The following ADAMTSL1 variants were observed in gnomAD, a reference collection of about 807,000 sequenced individuals.
ADAMTSL1 encodes ADAMTS-like protein 1.
ADAMTSL1 carries 126 observed loss-of-function variants against 201.8 expected under a neutral mutation model. That is an observed-to-expected ratio of 0.62 (90% confidence interval 0.54 to 0.72). The LOEUF (loss-of-function observed/expected upper bound fraction) is 0.72, where lower values mean the gene tolerates loss of function less well. ADAMTSL1 is among the 30% of genes least tolerant of loss of function. The pLI is 0.00. For missense variants in ADAMTSL1, 2,679 were observed against 2,277.8 expected (o/e 1.18, Z -3.59); for synonymous variants, 1,121 against 903.4 (o/e 1.24, Z -4.32).
At chr9:18,394,273 G>A (rs1286917473) in intron 2 of ADAMTSL1, among the ~76,000 whole-genome samples, 1 of 152,168 alleles carries the variant, frequency 6.6e-6, no homozygotes, top group Non-Finnish European at 1.5e-5. Context: ...GTTAAAAATA[G>A]TGAAAAGTTT....
intron 2 of ADAMTSL1, among the ~76,000 whole-genome samples, chr9:18,272,115 A>G (rs1318916963): frequency 6.6e-6 from 1 of 152,018 alleles, no homozygotes; most frequent in Non-Finnish European, 1.5e-5. Context: ...CTTTTCTCCC[A>G]TTCTGTAGGT....
chr9:18,188,187 TC>T (rs1828817776), intron 2 of ADAMTSL1, among the ~76,000 whole-genome samples: 1 of 152,140 alleles, frequency 6.6e-6, no homozygotes, highest in Non-Finnish European at 1.5e-5. Context: ...CAACTCCTTT[TC>T]CCCCCAACAC....
At chr9:18,760,155 T>TG (rs1022497352) in intron 16 of ADAMTSL1, among the ~76,000 whole-genome samples, 3 of 152,214 alleles carry the variant, frequency 2.0e-5, no homozygotes, top group Admixed American at 2.0e-4. Flanking sequence ...CACCACCATC[T>TG]GTCCTGCTTT....
chr9:17,991,907 T>C (rs1819168338), intron 1 of ADAMTSL1, among the ~76,000 whole-genome samples: 1 of 152,110 alleles, frequency 6.6e-6, no homozygotes, highest in Admixed American at 6.5e-5. Flanking sequence ...GCCCCCGTGG[T>C]ACCCTGCGAC....
chr9:18,768,708 T>G (rs959535447), intron 16 of ADAMTSL1, among the ~76,000 whole-genome samples: 1 of 152,172 alleles, frequency 6.6e-6, no homozygotes, highest in Non-Finnish European at 1.5e-5. Context: ...AGTTGATTGC[T>G]TTTCTAACAT....
At chr9:18,235,270 C>T (rs572139781) in intron 2 of ADAMTSL1, among the ~76,000 whole-genome samples, 2 of 152,150 alleles carry the variant, frequency 1.3e-5, no homozygotes, top group Non-Finnish European at 2.9e-5. Context: ...TGGGATTTGT[C>T]TGATGTTTTC....
rs916432637 is a variant in ADAMTSL1 at position 18,909,310 on chromosome 9, T to G, written c.*762T>G. The G allele has an allele frequency of 6.6e-6, 1 of 152,408 alleles. No individual in the cohort carries two copies. Among genetic ancestry groups the G allele is most frequent in the Non-Finnish European group, 1.5e-5 (1 of 68,208 alleles). 9.4% of individuals were successfully genotyped at this position (152,408 alleles called of 1,614,324 possible). ...CATGAGGCTCATGGACCAGCTCTGA[T>G]CCCATGCATGTGCGCATGCTCAGAG... On this transcript the variant is annotated 3_prime_UTR_variant, in exon 29 of 29. Coordinates refer to ENST00000380548, the MANE Select transcript of ADAMTSL1 (RefSeq NM_001040272.6).
At chr9:18,214,418 C>G (rs1027803018) in intron 2 of ADAMTSL1, among the ~76,000 whole-genome samples, 1 of 152,152 alleles carries the variant, frequency 6.6e-6, no homozygotes, top group Admixed American at 6.5e-5. Context: ...AGATGATGTA[C>G]TTTGTTTTCT....
chr9:18,829,523 G>A (rs776719381), intron 22 of ADAMTSL1, among the ~76,000 whole-genome samples: 19 of 152,156 alleles, frequency 1.2e-4, no homozygotes, highest in Admixed American at 2.6e-4. Context: ...TTAAAAAAGT[G>A]TCTTTATGAT....
intron 3 of ADAMTSL1, among the ~76,000 whole-genome samples, chr9:18,564,330 G>A (rs758656510): frequency 2.6e-5 from 4 of 152,066 alleles, no homozygotes; most frequent in East Asian, 1.9e-4. Flanking sequence ...CTCACCCTCC[G>A]TGGATTGCAG....
At chr9:18,155,705 GAA>G (rs1587177790) in intron 1 of ADAMTSL1, among the ~76,000 whole-genome samples, 1 of 152,154 alleles carries the variant, frequency 6.6e-6, no homozygotes, top group East Asian at 1.9e-4. Context: ...TGCAGAGAGA[GAA>G]GAGAGGAGCC....
Position 17,912,765 on chromosome 9 carries a change from C to T in ADAMTSL1, c.87+5843C>T, listed in dbSNP as rs1224010556. The stretch of plus-strand genomic sequence containing the variant: ...TCTAGACATGAAGTCTTTGCCCATG[C>T]CTATGTCCTGAATGGTAAAGCCTAG... On this transcript the variant is annotated intron_variant, in intron 1 of 29. Coordinates refer to the ADAMTSL1 transcript ENST00000680146. Among the ~76,000 whole-genome samples the T allele has an allele frequency of 2.8e-5, 2 of 70,590 alleles. 1 individual carries two copies. Among genetic ancestry groups the T allele is most frequent in the African/African-American group, 5.8e-5 (2 of 34,414 alleles). The allele number at this position is 70,590 out of a possible 152,430, so 46.3% of individuals were successfully genotyped here. A position where few individuals can be genotyped will look rare whatever the true frequency, so the allele number is the denominator to read the frequency against.
intron 2 of ADAMTSL1, among the ~76,000 whole-genome samples, chr9:18,240,560 A>C (rs1310726252): frequency 6.6e-6 from 1 of 152,150 alleles, no homozygotes; most frequent in African/African-American, 2.4e-5. Context: ...CCATAACAAG[A>C]GAGTTAGACT....
intron 23 of ADAMTSL1, among the ~76,000 whole-genome samples, chr9:18,871,151 C>T (rs1031295713): frequency 6.6e-6 from 1 of 152,110 alleles, no homozygotes; most frequent in African/African-American, 2.4e-5. Context: ...GATTTTTTAT[C>T]ATTCCAACGT....
intron 4 of ADAMTSL1, among the ~76,000 whole-genome samples, chr9:18,619,860 C>G (rs180756609): frequency 6.6e-6 from 1 of 152,250 alleles, no homozygotes; most frequent in East Asian, 1.9e-4. Flanking sequence ...TGTCCTTCCA[C>G]ATGGTCAAGG....
intron 2 of ADAMTSL1, 132 bp downstream of exon 2, chr9:18,505,088 C>G: frequency 8.5e-7 from 1 of 1,178,286 alleles, no homozygotes; most frequent in Non-Finnish European, 1.1e-6. Context: ...ATTAAAGGAA[C>G]GTACAAATAA....
intron 4 of ADAMTSL1, among the ~76,000 whole-genome samples, chr9:18,620,112 T>G (rs1587722040): frequency 6.6e-6 from 1 of 150,600 alleles, no homozygotes; most frequent in Non-Finnish European, 1.5e-5. Context: ...GTGAACCTCA[T>G]GTGACACCTC....
At chr9:18,490,885 G>A (rs867173594) in intron 1 of ADAMTSL1, among the ~76,000 whole-genome samples, 5 of 152,258 alleles carry the variant, frequency 3.3e-5, no homozygotes, top group Middle Eastern at 3.4e-3. Flanking sequence ...GAGTATTGGG[G>A]AAGTGGGTGC....
chr9:18,628,213 A>G (rs1477261192), intron 5 of ADAMTSL1, among the ~76,000 whole-genome samples: 1 of 152,168 alleles, frequency 6.6e-6, no homozygotes, highest in East Asian at 1.9e-4. Context: ...TTTCTTGCAG[A>G]AATACATTTC....
Sources: allele counts gnomAD v4.1 joint callset (sites outside exome capture counted in the v4.1 genomes callset), GRCh38; gene constraint gnomAD v4.1.1; transcripts MANE v1.5; gene names NCBI Gene and HGNC (gene_info 2026-07-23, HGNC 2026-07-21).